The following NLGN4X variants were observed in gnomAD, a reference collection of about 807,000 sequenced individuals.
NLGN4X encodes neuroligin-4, X-linked.
A neutral mutation model predicts 40.3 loss-of-function variants in NLGN4X; 3 were observed. The observed-to-expected ratio is 0.07, with a 90% confidence interval of 0.03 to 0.19. The LOEUF (loss-of-function observed/expected upper bound fraction) is 0.19, where lower values mean the gene tolerates loss of function less well. Ranked by LOEUF, NLGN4X falls within the 10% of genes least tolerant of loss-of-function variation. NLGN4X has a pLI of 1.00. For synonymous variants in NLGN4X, 270 were observed against 306.8 expected, an observed-to-expected ratio of 0.88 and a Z score of 1.25; for missense variants, 382 against 708.3, an observed-to-expected ratio of 0.54 and a Z score of 5.23.
At chrX:5,978,170 A>C (rs1172678815) in intron 3 of NLGN4X, among the ~76,000 whole-genome samples, 1 of 112,366 alleles carries the variant, frequency 8.9e-6, no homozygotes, top group Non-Finnish European at 1.9e-5. Flanking sequence ...AAAAAAATCA[A>C]TTTAATTGAC....
chrX:5,951,111 G>A (rs750016184), intron 3 of NLGN4X, among the ~76,000 whole-genome samples: 10 of 111,964 alleles, frequency 8.9e-5, no homozygotes, highest in African/African-American at 1.3e-4. Context: ...GGTTTTTAAT[G>A]AATTTATTCT....
chrX:6,183,546 C>CAAA (rs532961024), intron 1 of NLGN4X, among the ~76,000 whole-genome samples: 1,086 of 90,217 alleles, frequency 0.012, 23 homozygotes, highest in African/African-American at 0.042. Flanking sequence ...GACTCCGTCT[C>CAAA]AAAAAAAAAA....
At chrX:5,961,818 T>C (rs1362813724) in intron 3 of NLGN4X, among the ~76,000 whole-genome samples, 2 of 112,343 alleles carry the variant, frequency 1.8e-5, no homozygotes, top group African/African-American at 6.5e-5. Context: ...TGAGGTATCC[T>C]GAAGAGGATT....
intron 1 of NLGN4X, among the ~76,000 whole-genome samples, chrX:6,221,788 T>G (rs1925736622): frequency 9.0e-6 from 1 of 110,568 alleles, no homozygotes; most frequent in South Asian, 3.8e-4. Flanking sequence ...AGTTCCATGC[T>G]GAACAGCTCT....
chrX:6,116,305 A>C (rs1339509186), intron 2 of NLGN4X, among the ~76,000 whole-genome samples: 5 of 101,296 alleles, frequency 4.9e-5, no homozygotes, highest in Admixed American at 1.1e-4. Context: ...AAAAAAAAAA[A>C]AAAAAAAAAA....
intron 3 of NLGN4X, among the ~76,000 whole-genome samples, chrX:6,005,322 G>C (rs1051067603): frequency 9.0e-6 from 1 of 111,504 alleles, no homozygotes; most frequent in African/African-American, 3.3e-5. Flanking sequence ...GGCCTTTAAG[G>C]TCATGTCAAC....
At chrX:6,137,583 A>G (rs2039849085) in intron 2 of NLGN4X, among the ~76,000 whole-genome samples, 1 of 111,746 alleles carries the variant, frequency 8.9e-6, no homozygotes, top group Admixed American at 9.5e-5. Context: ...CAAATCTCAA[A>G]GAAATTGATT....
intron 1 of NLGN4X, among the ~76,000 whole-genome samples, chrX:6,225,709 TTTTTTTTTTTTTG>T (rs1926206679): frequency 1.5e-5 from 1 of 68,567 alleles, no homozygotes; most frequent in Admixed American, 2.0e-4. Context: ...TTTTTTTTTT[TTTTTTTTTTTTTG>T]CTTTTGCCTT....
At chrX:5,992,678 C>A (rs749680278) in intron 3 of NLGN4X, among the ~76,000 whole-genome samples, 1 of 111,633 alleles carries the variant, frequency 9.0e-6, no homozygotes, top group South Asian at 3.8e-4. Context: ...ATGGTACCAG[C>A]ATCTGCTTCT....
At chrX:6,020,971 C>T (rs6639577) in intron 3 of NLGN4X, among the ~76,000 whole-genome samples, 2 of 105,154 alleles carry the variant, frequency 1.9e-5, no homozygotes, top group East Asian at 6.1e-4. Context: ...ATCACCACAT[C>T]TGGCTAATTT....
At chrX:6,189,770 C>T (rs1364511382) in intron 1 of NLGN4X, among the ~76,000 whole-genome samples, 2 of 110,643 alleles carry the variant, frequency 1.8e-5, no homozygotes, top group East Asian at 5.6e-4. Context: ...ACAACCAATG[C>T]TGCATTGGGT....
chrX:6,194,047 C>T (rs762530307), intron 1 of NLGN4X, among the ~76,000 whole-genome samples: 4 of 111,290 alleles, frequency 3.6e-5, no homozygotes, highest in Non-Finnish European at 5.7e-5. Context: ...CTGGATGTGG[C>T]GGCATGTGTC....
At chrX:6,129,080 G>A (rs2039623675) in intron 2 of NLGN4X, among the ~76,000 whole-genome samples, 1 of 111,395 alleles carries the variant, frequency 9.0e-6, no homozygotes, top group African/African-American at 3.3e-5. Flanking sequence ...CTAATGGGGT[G>A]GTAAATAACA....
chrX:5,946,567 C>A (rs1193470863), intron 3 of NLGN4X, among the ~76,000 whole-genome samples: 1 of 111,422 alleles, frequency 9.0e-6, no homozygotes, highest in African/African-American at 3.3e-5. Flanking sequence ...AAGACACACA[C>A]ACAGAGCTAT....
chrX:6,103,472 G>A (rs2038963289), intron 2 of NLGN4X, among the ~76,000 whole-genome samples: 1 of 112,241 alleles, frequency 8.9e-6, no homozygotes. Context: ...AAAGGGATGA[G>A]ATGGAAATCA....
At chrX:6,179,186 A>G (rs1921159744) in intron 1 of NLGN4X, among the ~76,000 whole-genome samples, 1 of 107,990 alleles carries the variant, frequency 9.3e-6, no homozygotes, top group Non-Finnish European at 1.9e-5. Flanking sequence ...GCATACATTG[A>G]GATAATTTAC....
intron 1 of NLGN4X, among the ~76,000 whole-genome samples, chrX:6,226,463 C>T (rs1229243858): frequency 9.0e-6 from 1 of 111,268 alleles, no homozygotes; most frequent in Non-Finnish European, 1.9e-5. Flanking sequence ...GGCCTGACCC[C>T]CCTGCTCCCG....
At chrX:6,143,454 T>C (rs774081191) in intron 2 of NLGN4X, among the ~76,000 whole-genome samples, 1 of 112,025 alleles carries the variant, frequency 8.9e-6, no homozygotes, top group South Asian at 3.7e-4. Flanking sequence ...AAATAAGACA[T>C]GTAAAGGTGC....
rs1306742830 is a variant in NLGN4X at position 6,021,000 on chromosome X, T to TTTTCTTTCTTTC, written c.625+8279_625+8280insGAAAGAAAGAAA. Among the ~76,000 whole-genome samples, 9 of 50,354 alleles carry TTTTCTTTCTTTC rather than the reference T, an allele frequency of 1.8e-4. 1 individual carries two copies. Among genetic ancestry groups the TTTTCTTTCTTTC allele is most frequent in the South Asian group, 2.1e-3 (1 of 479 alleles). 43.7% of individuals were successfully genotyped at this position (50,354 alleles called of 115,157 possible). A position where few individuals can be genotyped will look rare whatever the true frequency, so the allele number is the denominator to read the frequency against. ...CTAATTTTTTCTTTTTCCTTCCTTC[T>TTTTCTTTCTTTC]TTTCTCTCTCTCTCTCTCTCTCTCT... On this transcript the variant is annotated intron_variant, in intron 3 of 5. Coordinates refer to ENST00000381095, the MANE Select transcript of NLGN4X (RefSeq NM_181332.3).
Sources: gnomAD v4.1 joint callset for allele counts (sites outside exome capture counted in the v4.1 genomes callset) on GRCh38, gnomAD v4.1.1 for gene constraint, MANE v1.5 for transcripts, NCBI Gene and HGNC (gene_info 2026-07-23, HGNC 2026-07-21) for gene names.